The following RNF138 variants were observed in gnomAD, a reference collection of about 807,000 sequenced individuals.
RNF138 encodes ring finger protein 138, also known as E3 ubiquitin-protein ligase RNF138.
Under a neutral mutation model 31.0 loss-of-function variants are expected in RNF138, and 12 were observed. The observed-to-expected ratio is 0.39, with a 90% confidence interval of 0.25 to 0.63. RNF138 has a LOEUF of 0.63. RNF138 is among the 20% of genes least tolerant of loss of function. The pLI is 0.52. For missense variants in RNF138, 192 were observed against 300.1 expected (o/e 0.64, Z 2.66); for synonymous variants, 105 against 99.5 (o/e 1.06, Z -0.33).
intron 2 of RNF138, among the ~76,000 whole-genome samples, chr18:32,106,802 G>A (rs922635330): frequency 1.2e-4 from 18 of 151,972 alleles, no homozygotes; most frequent in African/African-American, 3.6e-4. Flanking sequence ...TCCTGACCTC[G>A]TGATCCGCCT....
At chr18:32,115,762 C>T (rs1362370288) in intron 4 of RNF138, among the ~76,000 whole-genome samples, 1 of 151,932 alleles carries the variant, frequency 6.6e-6, no homozygotes. Context: ...CACACACGCA[C>T]ACACACGCAC....
intron 4 of RNF138, among the ~76,000 whole-genome samples, chr18:32,115,564 G>T (rs2040200960): frequency 1.3e-5 from 2 of 152,156 alleles, no homozygotes; most frequent in Admixed American, 6.5e-5. Context: ...GGCCATCATG[G>T]TGAAACCTTG....
chr18:32,097,860 C>G (rs2039838040), intron 2 of RNF138, among the ~76,000 whole-genome samples: 1 of 151,504 alleles, frequency 6.6e-6, no homozygotes, highest in Non-Finnish European at 1.5e-5. Flanking sequence ...CACTCTGTTG[C>G]TCGGGCTATA....
intron 7 of RNF138, 59 bp downstream of exon 7, chr18:32,126,859 TTTTTG>T: frequency 9.3e-7 from 1 of 1,079,336 alleles, no homozygotes; most frequent in Non-Finnish European, 1.4e-6. Flanking sequence ...TAAAATAACT[TTTTTG>T]TAATCGACTT....
intron 4 of RNF138, among the ~76,000 whole-genome samples, chr18:32,117,976 A>G (rs1354230385): frequency 6.6e-6 from 1 of 152,150 alleles, no homozygotes; most frequent in African/African-American, 2.4e-5. Context: ...CTTGGAAATC[A>G]TTTGGTCTGT....
intron 1 of RNF138, 32 bp from the exon 2 acceptor site, chr18:32,092,668 G>A (rs988905024): frequency 2.0e-5 from 14 of 701,776 alleles, no homozygotes; most frequent in African/African-American, 1.9e-4. Context: ...GTATCCTGAT[G>A]CGATCCCCCT....
intron 2 of RNF138, among the ~76,000 whole-genome samples, chr18:32,110,253 A>AAAG (rs1400856498): frequency 6.6e-6 from 1 of 152,108 alleles, no homozygotes; most frequent in Non-Finnish European, 1.5e-5. Flanking sequence ...TTGTCCTCCC[A>AAAG]AAGCACTGGG....
At chr18:32,104,069 A>C (rs2039988572) in intron 2 of RNF138, among the ~76,000 whole-genome samples, 1 of 145,990 alleles carries the variant, frequency 6.8e-6, no homozygotes. Flanking sequence ...GCCAGAGTGC[A>C]GTGGCCTGAT....
At position 32,105,407 on chromosome 18, in the gene RNF138, T is replaced by C. The variant is rs1347437745; in HGVS notation, c.111-6347T>C. ...CACTGGCCAAATCGTATGGTGTTCA[T>C]TCAGCAGTAGATAAATGACTAGAAT... On this transcript the variant is annotated intron_variant, in intron 2 of 7. Transcript: ENST00000261593. Among the ~76,000 whole-genome samples, 2 of 152,214 alleles carry C rather than the reference T, an allele frequency of 1.3e-5. 1 individual carries two copies. The highest frequency in any genetic ancestry group is 3.8e-4 in the East Asian group (2 of 5,200).
chr18:32,094,739 G>T lies in RNF138; in HGVS notation c.110+1853G>T, dbSNP rs184730624. ...GTTGGCATTGGGTAGATAAAAGGGAGGGAGGAGAGCAAGGTGAGAGGAAGT... is the reference window on the plus strand; with the variant it reads ...GTTGGCATTGGGTAGATAAAAGGGATGGAGGAGAGCAAGGTGAGAGGAAGT... On this transcript the variant is annotated intron_variant, in intron 2 of 7. Transcript: ENST00000261593. Among the ~76,000 whole-genome samples the T allele has an allele frequency of 3.9e-5, 6 of 152,246 alleles. No homozygotes were observed. In the East Asian group the frequency reaches 1.2e-3, roughly 29 times the overall value.
intron 2 of RNF138, among the ~76,000 whole-genome samples, chr18:32,107,476 T>A (rs1298249893): frequency 2.0e-5 from 3 of 151,384 alleles, no homozygotes; most frequent in African/African-American, 4.9e-5. Flanking sequence ...AGTTTTTTTT[T>A]AAAGGCCAGT....
intron 2 of RNF138, among the ~76,000 whole-genome samples, chr18:32,096,154 A>C (rs2039800653): frequency 6.6e-6 from 1 of 152,256 alleles, no homozygotes; most frequent in African/African-American, 2.4e-5. Context: ...AACCTATTAA[A>C]TAATTAGATA....
At chr18:32,110,777 T>C (rs1385031679) in intron 2 of RNF138, among the ~76,000 whole-genome samples, 3 of 151,994 alleles carry the variant, frequency 2.0e-5, no homozygotes, top group Non-Finnish European at 2.9e-5. Context: ...TGGTTATAAA[T>C]GTTTAATCTT....
intron 2 of RNF138, among the ~76,000 whole-genome samples, chr18:32,102,362 C>T (rs553530387): frequency 2.6e-5 from 4 of 151,494 alleles, no homozygotes; most frequent in African/African-American, 7.3e-5. Context: ...CCGCCACGCC[C>T]GGCTAATTTT....
At chr18:32,124,487 G>T in intron 5 of RNF138, 1 of 369,350 alleles carries the variant, frequency 2.7e-6, no homozygotes, top group Non-Finnish European at 5.0e-6. Flanking sequence ...TTTTGTTTTT[G>T]TTTTTGTTTT....
At chr18:32,107,051 C>T (rs12605137) in intron 2 of RNF138, among the ~76,000 whole-genome samples, 67,891 of 149,606 alleles carry the variant, frequency 0.45, 16,034 homozygotes, top group East Asian at 0.64. Context: ...CCTATGGCTA[C>T]TGGGCCACTG....
Position 32,129,132 on chromosome 18 carries a change from A to C in RNF138, c.683A>C (p.Asp228Ala). 1 of 1,609,504 alleles carries C rather than the reference A, an allele frequency of 6.2e-7. No homozygotes were observed. Among genetic ancestry groups the C allele is most frequent in the Non-Finnish European group, 8.5e-7 (1 of 1,176,212 alleles). ...DYGEFVNLQL[D>A]EETQYQTAVE... ...TATTGTTTTTAGAATCTTCAGCTAG[A>C]TGAAGAAACCCAATACCAAACTGCT... The change falls in exon 8 of 8, where the codon GAT becomes GCT. Residue 228 changes from aspartate (D) to alanine (A), a missense_variant. Asp to Ala is a moderately radical substitution (Grantham distance 126, BLOSUM62 -2). This residue lies in a region of RNF138 where 140 missense variants were observed against 251.7 expected (regional missense o/e 0.56). Transcript: ENST00000261593.
At chr18:32,123,809 C>A (rs1358456962) in intron 5 of RNF138, 1 of 263,192 alleles carries the variant, frequency 3.8e-6, no homozygotes, top group African/African-American at 2.2e-5. Flanking sequence ...CCTGCCACCA[C>A]GCCCGGCTAA....
At chr18:32,105,202 C>T (rs991581025) in intron 2 of RNF138, among the ~76,000 whole-genome samples, 4 of 152,180 alleles carry the variant, frequency 2.6e-5, no homozygotes, top group Non-Finnish European at 4.4e-5. Flanking sequence ...AGTGATTCTC[C>T]TGCCTCAGCC....
Sources: gnomAD v4.1 joint callset for allele counts (sites outside exome capture counted in the v4.1 genomes callset) on GRCh38, gnomAD v4.1.1 for gene constraint, gnomAD v4.1.1 regional missense constraint, MANE v1.5 for transcripts, NCBI Gene and HGNC (gene_info 2026-07-23, HGNC 2026-07-21) for gene names.